NBAS: variants seen among roughly 807,000 people sequenced by gnomAD.
NBAS encodes the protein NBAS subunit of NRZ tethering complex, also known as NAG/BC035112 fusion.
Under a neutral mutation model 302.5 loss-of-function variants are expected in NBAS, and 219 were observed. That is an observed-to-expected ratio of 0.72 (90% confidence interval 0.65 to 0.81). NBAS has a LOEUF of 0.81. NBAS is among the 30% of genes least tolerant of loss of function. The pLI, the probability that NBAS is intolerant of heterozygous loss-of-function variation, is 0.00. For synonymous variants in NBAS, 1,118 were observed against 1,021.6 expected, an observed-to-expected ratio of 1.09 and a Z score of -1.80; for missense variants, 2,932 against 2,841.6, an observed-to-expected ratio of 1.03 and a Z score of -0.72.
intron 40 of NBAS, among the ~76,000 whole-genome samples, chr2:15,295,888 G>GA (rs1366890787): frequency 6.7e-6 from 1 of 149,494 alleles, no homozygotes; most frequent in East Asian, 2.0e-4. Flanking sequence ...ACTTATAAAA[G>GA]AATGTCAATA....
the NBAS span, among the ~76,000 whole-genome samples, chr2:14,797,279 T>C: frequency 6.6e-6 from 1 of 152,120 alleles, no homozygotes; most frequent in Admixed American, 6.5e-5. Flanking sequence ...CAGCTGTCCA[T>C]GTAACCTCAT....
chr2:15,326,989 G>A (rs941253665), intron 38 of NBAS, among the ~76,000 whole-genome samples: 3 of 152,082 alleles, frequency 2.0e-5, no homozygotes, highest in Admixed American at 1.3e-4. Flanking sequence ...ACATAGGAAC[G>A]TGCTCAGTTA....
chr2:15,406,661 GGTTA>G (rs1216773167), intron 25 of NBAS, among the ~76,000 whole-genome samples: 1 of 151,946 alleles, frequency 6.6e-6, no homozygotes, highest in East Asian at 1.9e-4. Context: ...ACAGAGAAAG[GGTTA>G]GTTACACGAA....
chr2:15,457,011 GAAGT>G (rs1679277428), intron 21 of NBAS, among the ~76,000 whole-genome samples: 2 of 152,174 alleles, frequency 1.3e-5, no homozygotes, highest in Admixed American at 1.3e-4. Context: ...GATTCAGAAT[GAAGT>G]AAGAGACCCA....
At chr2:15,328,379 A>C in intron 36 of NBAS, 67 bp from the exon 37 acceptor site, 2 of 1,315,978 alleles carry the variant, frequency 1.5e-6, no homozygotes, top group Non-Finnish European at 2.2e-6. Flanking sequence ...AGAAGAAGTA[A>C]AAGCAAGGAA....
intron 44 of NBAS, among the ~76,000 whole-genome samples, chr2:15,256,918 T>C (rs1310156783): frequency 2.0e-5 from 3 of 152,242 alleles, no homozygotes; most frequent in Admixed American, 6.5e-5. Flanking sequence ...CATTTGATTA[T>C]GCAGTATTAT....
intron 10 of NBAS, among the ~76,000 whole-genome samples, chr2:15,510,885 A>T (rs191589721): frequency 1.5e-4 from 23 of 152,310 alleles, no homozygotes; most frequent in Non-Finnish European, 2.9e-4. Context: ...AGCATATAAA[A>T]AGCACTCCAA....
At chr2:15,272,910 T>C (rs1372934180) in intron 44 of NBAS, among the ~76,000 whole-genome samples, 1 of 152,244 alleles carries the variant, frequency 6.6e-6, no homozygotes, top group Non-Finnish European at 1.5e-5. Context: ...AATAATTTAA[T>C]GTGAATAATT....
intron 11 of NBAS, among the ~76,000 whole-genome samples, chr2:15,495,106 T>G (rs1681015326): frequency 6.6e-6 from 1 of 152,160 alleles, no homozygotes; most frequent in Non-Finnish European, 1.5e-5. Flanking sequence ...ATAAATACTG[T>G]TCACATAAAT....
chr2:15,023,107 C>T, the NBAS span, among the ~76,000 whole-genome samples: 1 of 151,980 alleles, frequency 6.6e-6, no homozygotes, highest in African/African-American at 2.4e-5. Flanking sequence ...TGTGCATATA[C>T]ATATCTGTAT....
chr2:15,530,050 T>C (rs1481944758), intron 9 of NBAS, among the ~76,000 whole-genome samples: 1 of 152,190 alleles, frequency 6.6e-6, no homozygotes, highest in African/African-American at 2.4e-5. Flanking sequence ...TTACCTACTG[T>C]AGTTAATATT....
chr2:15,039,021 G>GCAA, the NBAS span, among the ~76,000 whole-genome samples: 1 of 152,138 alleles, frequency 6.6e-6, no homozygotes, highest in Non-Finnish European at 1.5e-5. Context: ...AAAACCCTAG[G>GCAA]AATAAATATT....
chr2:15,538,246 C>G, intron 7 of NBAS: 1 of 295,256 alleles, frequency 3.4e-6, no homozygotes, highest in South Asian at 3.3e-5. Context: ...TTTGAGCACA[C>G]ATACAGCTCA....
chr2:14,878,667 T>G, the NBAS span, among the ~76,000 whole-genome samples: 7 of 152,162 alleles, frequency 4.6e-5, no homozygotes, highest in Admixed American at 1.3e-4. Context: ...CAGTTTCAGG[T>G]TCACAGAAAA....
chr2:14,870,189 A>G, the NBAS span, among the ~76,000 whole-genome samples: 1 of 152,076 alleles, frequency 6.6e-6, no homozygotes, highest in Non-Finnish European at 1.5e-5. Flanking sequence ...CCAAACCCAA[A>G]CTAAGGGGTT....
chr2:15,034,887 T>G, the NBAS span, among the ~76,000 whole-genome samples: 1 of 152,152 alleles, frequency 6.6e-6, no homozygotes, highest in African/African-American at 2.4e-5. Flanking sequence ...TATGTGTCCA[T>G]AGACACATAC....
At chr2:15,554,224 G>C (rs978069479) in intron 3 of NBAS, 86 bp from the exon 4 acceptor site, 7 of 1,107,382 alleles carry the variant, frequency 6.3e-6, no homozygotes, top group African/African-American at 3.1e-5. Context: ...CTTATAGAGA[G>C]AGACACAGAT....
chr2:15,519,066 C>T (rs978223886), intron 9 of NBAS, among the ~76,000 whole-genome samples: 14 of 152,242 alleles, frequency 9.2e-5, no homozygotes, highest in African/African-American at 3.4e-4. Flanking sequence ...TGGAAAATAG[C>T]AGGAAAATGA....
chr2:15,397,221 A>G (rs1020422887), intron 26 of NBAS, among the ~76,000 whole-genome samples: 2 of 152,218 alleles, frequency 1.3e-5, no homozygotes, highest in Non-Finnish European at 2.9e-5. Context: ...ACTGCTATAA[A>G]AGTCCTCTTT....
Sources: allele counts gnomAD v4.1 joint callset (sites outside exome capture counted in the v4.1 genomes callset), GRCh38; gene constraint gnomAD v4.1.1; transcripts MANE v1.5; gene names NCBI Gene and HGNC (gene_info 2026-07-23, HGNC 2026-07-21).